The following CAMK2D variants were observed in gnomAD, a reference collection of about 807,000 sequenced individuals.
CAMK2D encodes calcium/calmodulin dependent protein kinase II delta.
CAMK2D carries 37 observed loss-of-function variants against 84.0 expected under a neutral mutation model. The ratio of observed to expected loss-of-function variants is 0.44; its 90% CI spans 0.34 to 0.58. The LOEUF (loss-of-function observed/expected upper bound fraction) is 0.58. Among genes scored for constraint, CAMK2D ranks in the 20% least tolerant of loss-of-function variants. CAMK2D has a pLI of 0.02. For missense variants in CAMK2D, 448 were observed against 652.5 expected (o/e 0.69, Z 3.41); for synonymous variants, 202 against 212.5 (o/e 0.95, Z 0.43).
At chr4:113,595,934 T>C (rs567300976) in intron 4 of CAMK2D, among the ~76,000 whole-genome samples, 3 of 152,216 alleles carry the variant, frequency 2.0e-5, no homozygotes, top group African/African-American at 7.2e-5. Flanking sequence ...TGCATATTGA[T>C]TGACTTTTTT....
chr4:113,638,049 A>G (rs2154292059), intron 3 of CAMK2D, among the ~76,000 whole-genome samples: 1 of 152,238 alleles, frequency 6.6e-6, no homozygotes, highest in Admixed American at 6.5e-5. Context: ...AGTGCCTTCC[A>G]ATTTGTAGCT....
intron 2 of CAMK2D, among the ~76,000 whole-genome samples, chr4:113,714,007 A>G (rs1326051307): frequency 6.6e-6 from 1 of 151,990 alleles, no homozygotes; most frequent in Non-Finnish European, 1.5e-5. Flanking sequence ...CATTACCACT[A>G]TATCATACAG....
chr4:113,686,658 A>G (rs1209305119), intron 2 of CAMK2D, among the ~76,000 whole-genome samples: 2 of 152,182 alleles, frequency 1.3e-5, no homozygotes, highest in Non-Finnish European at 1.5e-5. Flanking sequence ...AAAAATTGTG[A>G]GCCACAACCC....
intron 4 of CAMK2D, among the ~76,000 whole-genome samples, chr4:113,580,172 A>G (rs1367213896): frequency 6.6e-6 from 1 of 152,240 alleles, no homozygotes; most frequent in African/African-American, 2.4e-5. Flanking sequence ...TCAAACTCTG[A>G]CATACTTAAC....
At chr4:113,667,918 T>A (rs1195648841) in intron 2 of CAMK2D, among the ~76,000 whole-genome samples, 1 of 152,174 alleles carries the variant, frequency 6.6e-6, no homozygotes, top group Non-Finnish European at 1.5e-5. Context: ...CAAAGTAGAA[T>A]TAGATATAGA....
chr4:113,728,654 A>G (rs1172524967), intron 2 of CAMK2D, among the ~76,000 whole-genome samples: 1 of 152,142 alleles, frequency 6.6e-6, no homozygotes, highest in Non-Finnish European at 1.5e-5. Context: ...TTAAGGTTTG[A>G]GCTGTGGTAT....
intron 16 of CAMK2D, among the ~76,000 whole-genome samples, chr4:113,496,873 A>G (rs748587652): frequency 1.3e-5 from 2 of 152,230 alleles, no homozygotes; most frequent in Non-Finnish European, 2.9e-5. Flanking sequence ...AAAGCTGCTC[A>G]AGAGGTCAAC....
intron 16 of CAMK2D, among the ~76,000 whole-genome samples, chr4:113,492,130 T>C (rs1181929182): frequency 6.6e-6 from 1 of 152,110 alleles, no homozygotes; most frequent in Non-Finnish European, 1.5e-5. Context: ...GTTTTTTGTG[T>C]CTCTATTTCC....
rs1290408193 is a variant in CAMK2D at position 113,761,431 on chromosome 4, G to C, written c.-363C>G. The C allele has an allele frequency of 8.4e-7, 1 of 1,197,306 alleles. No homozygotes were observed. Among genetic ancestry groups the C allele is most frequent in the Non-Finnish European group, 1.1e-6 (1 of 952,234 alleles). The allele number at this position is 1,197,306 out of a possible 1,614,324, so 74.2% of individuals were successfully genotyped here. A position where few individuals can be genotyped will look rare whatever the true frequency, so the allele number is the denominator to read the frequency against. ...ATGGAAAAACAGCCAGGCACGGGAC[G>C]AGTGGCAAGCAGTTGCGAAACGATC... On this transcript the variant is annotated 5_prime_UTR_variant, in exon 1 of 21. Transcript: ENST00000511664.
At chr4:113,727,772 C>A (rs1352840542) in intron 2 of CAMK2D, among the ~76,000 whole-genome samples, 1 of 152,060 alleles carries the variant, frequency 6.6e-6, no homozygotes, top group East Asian at 1.9e-4. Context: ...ATATATCTGA[C>A]ACGAATTTGT....
At chr4:113,630,672 C>T (rs2099086010) in intron 3 of CAMK2D, among the ~76,000 whole-genome samples, 1 of 152,144 alleles carries the variant, frequency 6.6e-6, no homozygotes, top group Non-Finnish European at 1.5e-5. Context: ...ATACTGCTGA[C>T]TCCTCAAACC....
At chr4:113,622,915 T>C (rs1561426577) in intron 3 of CAMK2D, among the ~76,000 whole-genome samples, 1 of 152,194 alleles carries the variant, frequency 6.6e-6, no homozygotes, top group Non-Finnish European at 1.5e-5. Context: ...TTTTATTTGC[T>C]ATTGATTAGG....
At chr4:113,539,952 T>G (rs547054728) in intron 6 of CAMK2D, among the ~76,000 whole-genome samples, 180 of 152,280 alleles carry the variant, frequency 1.2e-3, no homozygotes, top group African/African-American at 4.3e-3. Flanking sequence ...ATTATTCACT[T>G]TTTAATATTT....
intron 17 of CAMK2D, among the ~76,000 whole-genome samples, chr4:113,464,448 C>T (rs547032276): frequency 6.6e-6 from 1 of 152,008 alleles, no homozygotes; most frequent in Non-Finnish European, 1.5e-5. Context: ...TAGGTATAAT[C>T]ATATTATGTT....
At chr4:113,692,173 C>A (rs1446916510) in intron 2 of CAMK2D, among the ~76,000 whole-genome samples, 1 of 152,158 alleles carries the variant, frequency 6.6e-6, no homozygotes, top group Non-Finnish European at 1.5e-5. Flanking sequence ...GAGTTCTCAA[C>A]TGACCATATT....
chr4:113,591,610 T>C (rs529728281), intron 4 of CAMK2D, among the ~76,000 whole-genome samples: 39 of 152,338 alleles, frequency 2.6e-4, no homozygotes, highest in African/African-American at 9.4e-4. Context: ...CACATTTTAA[T>C]GCAAGGATGG....
At chr4:113,655,099 C>T (rs1260640672) in intron 3 of CAMK2D, among the ~76,000 whole-genome samples, 1 of 151,938 alleles carries the variant, frequency 6.6e-6, no homozygotes, top group Non-Finnish European at 1.5e-5. Context: ...AGATGCATTA[C>T]CTCATTCTAT....
At chr4:113,527,692 T>G (rs2098428888) in intron 8 of CAMK2D, among the ~76,000 whole-genome samples, 1 of 152,176 alleles carries the variant, frequency 6.6e-6, no homozygotes, top group Non-Finnish European at 1.5e-5. Flanking sequence ...GATCTGATAT[T>G]CTTCAACACC....
chr4:113,740,211 T>G (rs560324738), intron 2 of CAMK2D, among the ~76,000 whole-genome samples: 3 of 152,230 alleles, frequency 2.0e-5, no homozygotes, highest in African/African-American at 4.8e-5. Flanking sequence ...ATATAAATGT[T>G]CATAGCAGCA....
Sources: allele counts gnomAD v4.1 joint callset (sites outside exome capture counted in the v4.1 genomes callset), GRCh38; gene constraint gnomAD v4.1.1; transcripts MANE v1.5; gene names NCBI Gene and HGNC (gene_info 2026-07-23, HGNC 2026-07-21).